Variants in ERC2 observed in about 807,000 individuals in gnomAD.
ERC2 encodes ERC protein 2.
ERC2 carries 42 observed loss-of-function variants against 114.8 expected under a neutral mutation model. That is an observed-to-expected ratio of 0.37 (90% CI 0.29 to 0.47). The LOEUF (loss-of-function observed/expected upper bound fraction) is 0.47, where lower values mean the gene tolerates loss of function less well. Ranked by LOEUF, ERC2 falls within the 20% of genes least tolerant of loss-of-function variation. ERC2 has a pLI of 0.99. For synonymous variants in ERC2, 454 were observed against 425.5 expected, an observed-to-expected ratio of 1.07 and a Z score of -0.82; for missense variants, 939 against 1,150.7, an observed-to-expected ratio of 0.82 and a Z score of 2.66.
intron 2 of ERC2, among the ~76,000 whole-genome samples, chr3:56,354,249 A>C (rs145438956): frequency 1.3e-5 from 2 of 152,352 alleles, no homozygotes; most frequent in African/African-American, 4.8e-5. Flanking sequence ...CTCCACAGAC[A>C]ATGGGGATTG....
chr3:56,187,670 A>C (rs2083708735), intron 3 of ERC2, among the ~76,000 whole-genome samples: 1 of 152,196 alleles, frequency 6.6e-6, no homozygotes, highest in Admixed American at 6.5e-5. Flanking sequence ...TATAGACAGC[A>C]GTCAGAAATA....
intron 2 of ERC2, among the ~76,000 whole-genome samples, chr3:56,384,356 C>A (rs1015584079): frequency 1.3e-5 from 2 of 152,152 alleles, no homozygotes; most frequent in African/African-American, 4.8e-5. Flanking sequence ...TATTTACTCA[C>A]CAACACTTGC....
At chr3:56,187,630 G>T (rs2083705263) in intron 3 of ERC2, among the ~76,000 whole-genome samples, 1 of 152,164 alleles carries the variant, frequency 6.6e-6, no homozygotes. Context: ...AGACGGAATG[G>T]CTGCTACCAC....
intron 15 of ERC2, among the ~76,000 whole-genome samples, chr3:55,730,963 T>C (rs2065221097): frequency 6.6e-6 from 1 of 152,228 alleles, no homozygotes; most frequent in Non-Finnish European, 1.5e-5. Flanking sequence ...ATTGGCCTGG[T>C]CCCTGAAAGA....
At chr3:55,903,104 A>ATGAATATAAATAGGTGAATACC in intron 13 of ERC2, among the ~76,000 whole-genome samples, 1 of 152,212 alleles carries the variant, frequency 6.6e-6, no homozygotes, top group East Asian at 1.9e-4. Flanking sequence ...TGTACCATTT[A>ATGAATATAAATAGGTGAATACC]TATTCACCTA....
chr3:55,821,503 A>G (rs1285814404), intron 14 of ERC2, among the ~76,000 whole-genome samples: 1 of 152,238 alleles, frequency 6.6e-6, no homozygotes, highest in Non-Finnish European at 1.5e-5. Context: ...ACACTTTACC[A>G]GCGTCATTAC....
intron 2 of ERC2, among the ~76,000 whole-genome samples, chr3:56,373,646 A>T (rs903704728): frequency 1.3e-5 from 2 of 152,222 alleles, no homozygotes; most frequent in Non-Finnish European, 2.9e-5. Flanking sequence ...AACAGTAAAT[A>T]TTTTAGTCTT....
At chr3:55,822,120 A>T (rs1458527106) in intron 14 of ERC2, among the ~76,000 whole-genome samples, 1 of 152,106 alleles carries the variant, frequency 6.6e-6, no homozygotes, top group Non-Finnish European at 1.5e-5. Context: ...GTAGCTGGGC[A>T]TTTATTCTAT....
chr3:56,286,168 T>C (rs1176928528), intron 3 of ERC2, among the ~76,000 whole-genome samples: 2 of 152,018 alleles, frequency 1.3e-5, no homozygotes, highest in Non-Finnish European at 2.9e-5. Flanking sequence ...AATCCCAGCA[T>C]TTTGGGAGGC....
chr3:56,204,714 G>T (rs911459006), intron 3 of ERC2, among the ~76,000 whole-genome samples: 5 of 151,764 alleles, frequency 3.3e-5, no homozygotes, highest in African/African-American at 1.2e-4. Flanking sequence ...CACTGGCCAG[G>T]ATGGTCTTGA....
chr3:56,347,382 T>G (rs1349154200), intron 2 of ERC2, among the ~76,000 whole-genome samples: 1 of 152,098 alleles, frequency 6.6e-6, no homozygotes, highest in African/African-American at 2.4e-5. Context: ...TGTTAGGTTC[T>G]GCCTATAGGG....
intron 12 of ERC2, among the ~76,000 whole-genome samples, chr3:55,952,182 C>CTATATATATA (rs1559923074): frequency 1.4e-5 from 1 of 71,500 alleles, no homozygotes; most frequent in Non-Finnish European, 2.8e-5. Flanking sequence ...CACACACACT[C>CTATATATATA]TCTCTCTCTC....
chr3:56,355,595 G>A (rs1412050442), intron 2 of ERC2, among the ~76,000 whole-genome samples: 3 of 152,012 alleles, frequency 2.0e-5, no homozygotes, highest in African/African-American at 2.4e-5. Flanking sequence ...TACAGCGTGC[G>A]CCACGACACC....
intron 17 of ERC2, among the ~76,000 whole-genome samples, chr3:55,534,181 G>A (rs2053844903): frequency 6.6e-6 from 1 of 152,220 alleles, no homozygotes; most frequent in African/African-American, 2.4e-5. Context: ...CACTTTGGAA[G>A]GCCAAGGTAG....
intron 17 of ERC2, among the ~76,000 whole-genome samples, chr3:55,592,070 G>A (rs780115334): frequency 5.3e-5 from 8 of 152,166 alleles, no homozygotes; most frequent in Non-Finnish European, 1.2e-4. Context: ...AGGCAGGGGA[G>A]GAACTTAGGA....
At chr3:56,416,222 A>G (rs910133695) in intron 2 of ERC2, among the ~76,000 whole-genome samples, 1 of 151,920 alleles carries the variant, frequency 6.6e-6, no homozygotes, top group Non-Finnish European at 1.5e-5. Context: ...TCTACTCCAC[A>G]CCTACTAATG....
intron 16 of ERC2, among the ~76,000 whole-genome samples, chr3:55,695,400 C>T (rs1290605779): frequency 6.6e-6 from 1 of 152,200 alleles, no homozygotes; most frequent in Non-Finnish European, 1.5e-5. Flanking sequence ...CTGGGGGTCA[C>T]AGCCCACCAG....
At chr3:55,894,419 T>G in intron 13 of ERC2, among the ~76,000 whole-genome samples, 1 of 152,142 alleles carries the variant, frequency 6.6e-6, no homozygotes, top group East Asian at 1.9e-4. Context: ...TTGGGGACAA[T>G]ATAATAATAG....
At chr3:56,005,338 C>T (rs978418194) in intron 10 of ERC2, among the ~76,000 whole-genome samples, 1 of 152,000 alleles carries the variant, frequency 6.6e-6, no homozygotes, top group African/African-American at 2.4e-5. Flanking sequence ...AGGATTTGGT[C>T]TGTGAATTTC....
Sources: gnomAD v4.1 joint callset for allele counts (sites outside exome capture counted in the v4.1 genomes callset) on GRCh38, gnomAD v4.1.1 for gene constraint, MANE v1.5 for transcripts, NCBI Gene and HGNC (gene_info 2026-07-23, HGNC 2026-07-21) for gene names.